STRBP: variants seen among roughly 807,000 people sequenced by gnomAD.
The protein encoded by STRBP is spermatid perinuclear RNA binding protein, also known as spermatid perinuclear RNA-binding protein.
A neutral mutation model predicts 80.1 loss-of-function variants in STRBP; 13 were observed. The ratio of observed to expected loss-of-function variants is 0.16; its 90% confidence interval spans 0.11 to 0.26. The LOEUF is 0.26. STRBP is among the 10% of genes least tolerant of loss of function. The probability of loss-of-function intolerance (pLI) is 1.00; values close to 1 mark genes in which losing one functional copy is unlikely to be tolerated. For synonymous variants in STRBP, 284 were observed against 291.2 expected, an observed-to-expected ratio of 0.98 and a Z score of 0.25; for missense variants, 485 against 815.2, an observed-to-expected ratio of 0.59 and a Z score of 4.93.
rs1474215814 is a variant in STRBP at position 123,124,370 on chromosome 9, G to A, written c.*1227C>T. ...ATCATTGGCTTTCCAAACAAGGTGA[G>A]AATGCAAGTGGAGGACTTAGGTCTG... On this transcript the variant is annotated 3_prime_UTR_variant, in exon 19 of 19. Transcript: ENST00000348403. The A allele has an allele frequency of 2.0e-6, 2 of 985,296 alleles. No homozygotes were observed. Among genetic ancestry groups the A allele is most frequent in the African/African-American group, 3.5e-5 (2 of 57,226 alleles). 61.0% of individuals were successfully genotyped at this position (985,296 alleles called of 1,614,324 possible). A position where few individuals can be genotyped will look rare whatever the true frequency, so the allele number is the denominator to read the frequency against.
rs2036199132 is a variant in STRBP, at chr9:123,132,897, T to TA, written c.1844dup (p.Thr616AsnfsTer64). 1 of 1,614,028 alleles carries TA rather than the reference T, an allele frequency of 6.2e-7. No individual in the cohort carries two copies. Among genetic ancestry groups the TA allele is most frequent in the African/African-American group, 1.3e-5 (1 of 74,940 alleles). Reference sequence around the variant, plus strand: ...TCGCCCCAACAAAAGCTCCCCTTGTTAGAGTTCCTCTTCCTCTGCCCCGAA... The same window carrying TA: ...TCGCCCCAACAAAAGCTCCCCTTGTTAAGAGTTCCTCTTCCTCTGCCCCGAA... On this transcript the variant is annotated frameshift_variant, in exon 17 of 19. Coordinates refer to ENST00000348403, the MANE Select transcript of STRBP (RefSeq NM_018387.5). LOFTEE classifies it high-confidence loss of function.
chr9:123,135,019 T>C (rs1208441249), intron 16 of STRBP, among the ~76,000 whole-genome samples: 1 of 152,212 alleles, frequency 6.6e-6, no homozygotes, highest in East Asian at 1.9e-4. Flanking sequence ...ACAAGAAATT[T>C]AAATGAATAC....
At chr9:123,147,103 T>C in intron 12 of STRBP, 49 bp from the exon 13 acceptor site, 1 of 1,558,150 alleles carries the variant, frequency 6.4e-7, no homozygotes, top group South Asian at 1.2e-5. Flanking sequence ...AAAGTAATTT[T>C]GCTTTATGCG....
intron 2 of STRBP, among the ~76,000 whole-genome samples, chr9:123,200,012 A>G (rs2039255585): frequency 1.3e-5 from 2 of 152,108 alleles, no homozygotes; most frequent in African/African-American, 4.8e-5. Context: ...TTAGTCATAG[A>G]CGGCTTTTAT....
At chr9:123,153,981 C>T (rs2037172025) in intron 11 of STRBP, among the ~76,000 whole-genome samples, 1 of 152,122 alleles carries the variant, frequency 6.6e-6, no homozygotes, top group Non-Finnish European at 1.5e-5. Context: ...AGCTGATGAC[C>T]TGGAAGTCAA....
At chr9:123,153,245 CAG>C (rs2037138860) in intron 11 of STRBP, among the ~76,000 whole-genome samples, 1 of 150,752 alleles carries the variant, frequency 6.6e-6, no homozygotes, top group Non-Finnish European at 1.5e-5. Flanking sequence ...GGCTGGAGTG[CAG>C]TGGCATGATC....
intron 4 of STRBP, 100 bp downstream of exon 4, chr9:123,178,906 GA>G: frequency 8.9e-7 from 1 of 1,124,664 alleles, no homozygotes; most frequent in South Asian, 1.5e-5. Flanking sequence ...ATATGCATAA[GA>G]CAAAATCCAA....
At chr9:123,162,775 T>C (rs1299430392) in intron 6 of STRBP, among the ~76,000 whole-genome samples, 4 of 152,246 alleles carry the variant, frequency 2.6e-5, no homozygotes, top group Non-Finnish European at 5.9e-5. Context: ...CAAAAAGGAT[T>C]ATTACTCTGA....
At chr9:123,234,344 A>G (rs374700717) in intron 2 of STRBP, among the ~76,000 whole-genome samples, 2 of 152,250 alleles carry the variant, frequency 1.3e-5, no homozygotes, top group East Asian at 1.9e-4. Context: ...ACAAAAAAAA[A>G]AAAGAGCTGG....
chr9:123,230,013 G>A (rs188332267), intron 2 of STRBP, among the ~76,000 whole-genome samples: 3 of 152,202 alleles, frequency 2.0e-5, no homozygotes, highest in South Asian at 2.1e-4. Context: ...AACCAGGGTT[G>A]TAAGTTTTGC....
Position 123,146,956 on chromosome 9 carries a change from C to T in STRBP, c.1237G>A (p.Val413Ile), listed in dbSNP as rs766150833. The part of the protein sequence containing the change: ...QYKLLSQSGP[V>I]HAPVFTMSVD... ...GACATTGTGAAGACTGGGGCATGAACGGGGCCAGACTGAGATAGGAGCTTA... is the reference window on the plus strand; with the variant it reads ...GACATTGTGAAGACTGGGGCATGAATGGGGCCAGACTGAGATAGGAGCTTA... The change falls in exon 13 of 19, where the codon GTT becomes ATT. Residue 413 changes from valine (V) to isoleucine (I), a missense_variant. Coordinates refer to ENST00000348403, the MANE Select transcript of STRBP (RefSeq NM_018387.5). 26 of 1,613,976 alleles carry T rather than the reference C, an allele frequency of 1.6e-5. No homozygotes were observed. Among genetic ancestry groups the T allele is most frequent in the East Asian group, 4.5e-5 (2 of 44,866 alleles).
At chr9:123,254,362 G>A (rs1168424915) in intron 1 of STRBP, among the ~76,000 whole-genome samples, 2 of 150,220 alleles carry the variant, frequency 1.3e-5, no homozygotes, top group East Asian at 4.0e-4. Context: ...TCGGGAGGCT[G>A]AGGCAGAAGA....
At chr9:123,217,605 A>G (rs1297377521) in intron 2 of STRBP, among the ~76,000 whole-genome samples, 3 of 152,228 alleles carry the variant, frequency 2.0e-5, no homozygotes, top group Non-Finnish European at 4.4e-5. Context: ...TCTCTTGTGA[A>G]ATCATTCTAA....
chr9:123,130,527 G>A (rs940176430), intron 17 of STRBP, among the ~76,000 whole-genome samples: 2 of 151,986 alleles, frequency 1.3e-5, no homozygotes, highest in Non-Finnish European at 2.9e-5. Context: ...AATGGTCCGC[G>A]GCAACAAGAG....
chr9:123,255,107 T>C (rs929225666), intron 1 of STRBP, among the ~76,000 whole-genome samples: 1 of 152,264 alleles, frequency 6.6e-6, no homozygotes, highest in Non-Finnish European at 1.5e-5. Flanking sequence ...AAACACCTCC[T>C]GCTACAGGGC....
chr9:123,248,433 T>G (rs993704196), intron 1 of STRBP, among the ~76,000 whole-genome samples: 3 of 151,674 alleles, frequency 2.0e-5, no homozygotes, highest in African/African-American at 7.3e-5. Flanking sequence ...ATGCCCAGAT[T>G]TTTTTTATTA....
intron 16 of STRBP, among the ~76,000 whole-genome samples, chr9:123,134,808 A>G (rs2036287845): frequency 1.3e-5 from 2 of 152,196 alleles, no homozygotes; most frequent in Non-Finnish European, 1.5e-5. Flanking sequence ...ACACCATAAA[A>G]CAAGCTCATA....
chr9:123,120,543 CCTCT>C (rs2035717601), downstream of STRBP, among the ~76,000 whole-genome samples: 1 of 149,884 alleles, frequency 6.7e-6, no homozygotes, highest in Non-Finnish European at 1.5e-5. Context: ...TTAGTTCTTT[CCTCT>C]CTAACTCACT....
intron 13 of STRBP, 81 bp downstream of exon 13, chr9:123,146,774 T>G: frequency 8.2e-7 from 1 of 1,214,356 alleles, no homozygotes; most frequent in Non-Finnish European, 1.1e-6. Context: ...TTTTTAAAAA[T>G]GATAATTTAT....
Sources: gnomAD v4.1 joint callset for allele counts (sites outside exome capture counted in the v4.1 genomes callset) on GRCh38, gnomAD v4.1.1 for gene constraint, MANE v1.5 for transcripts, NCBI Gene and HGNC (gene_info 2026-07-23, HGNC 2026-07-21) for gene names.